The following GAB1 variants were observed in gnomAD, a reference collection of about 807,000 sequenced individuals.
GAB1 encodes GRB2 associated binding protein 1.
GAB1 carries 19 observed loss-of-function variants against 66.5 expected under a neutral mutation model. The ratio of observed to expected loss-of-function variants is 0.29; its 90% CI spans 0.20 to 0.42. The LOEUF is 0.42. Among genes scored for constraint, GAB1 ranks in the 10% least tolerant of loss-of-function variants. The probability of loss-of-function intolerance (pLI) is 1.00; values close to 1 mark genes in which losing one functional copy is unlikely to be tolerated. For missense variants in GAB1, 732 were observed against 858.5 expected, an observed-to-expected ratio of 0.85 and a Z score of 1.84; for synonymous variants, 294 against 301.4, an observed-to-expected ratio of 0.98 and a Z score of 0.25.
At chr4:143,350,173 T>G (rs1047168310) in intron 1 of GAB1, 22 of 687,738 alleles carry the variant, frequency 3.2e-5, no homozygotes, top group Non-Finnish European at 5.5e-5. Context: ...AAGACACTTT[T>G]TGTGTGCTCC....
rs957731354 is a variant in GAB1 at position 143,470,614 on chromosome 4, C to T, written c.*1425C>T. On this transcript the variant is annotated 3_prime_UTR_variant, in exon 10 of 10. Coordinates refer to ENST00000262994, the MANE Select transcript of GAB1 (RefSeq NM_002039.4). ...GCTTTGCAACATAATTTAGAAAGCA[C>T]GTATAGTTGTTTTTTAACCAAGTTA... The T allele has an allele frequency of 2.6e-5, 4 of 152,294 alleles. No individual in the cohort carries two copies. The highest frequency in any genetic ancestry group is 6.5e-5 in the Admixed American group (1 of 15,292). The allele number at this position is 152,294 out of a possible 1,614,324, so 9.4% of individuals were successfully genotyped here.
Position 143,350,154 on chromosome 4 carries a change from G to T in GAB1, c.72+12894G>T, listed in dbSNP as rs2149647495. ...TCGGAAAAGAAGCTGATTTTTAAAA[G>T]AAAATATTAAGACACTTTTTGTGTG... On this transcript the variant is annotated intron_variant, in intron 1 of 9. Coordinates refer to ENST00000262994, the MANE Select transcript of GAB1 (RefSeq NM_002039.4). The T allele has an allele frequency of 7.6e-6, 6 of 793,200 alleles. No individual in the cohort carries two copies. In the East Asian group the frequency reaches 1.6e-4, roughly 21 times the overall value. 49.1% of individuals were successfully genotyped at this position (793,200 alleles called of 1,614,324 possible).
At chr4:143,364,189 C>CAAA (rs779207437) in intron 1 of GAB1, among the ~76,000 whole-genome samples, 3 of 81,488 alleles carry the variant, frequency 3.7e-5, no homozygotes, top group Non-Finnish European at 8.1e-5. Context: ...ACTTCGTCTC[C>CAAA]AAAAAAAAAA....
intron 1 of GAB1, among the ~76,000 whole-genome samples, chr4:143,340,221 T>G (rs1306723909): frequency 6.6e-6 from 1 of 152,194 alleles, no homozygotes; most frequent in South Asian, 2.1e-4. Flanking sequence ...ATGTAGAATG[T>G]TTATTTTTCT....
chr4:143,348,748 C>T (rs150529730), intron 1 of GAB1, among the ~76,000 whole-genome samples: 34 of 152,282 alleles, frequency 2.2e-4, no homozygotes, highest in African/African-American at 7.9e-4. Flanking sequence ...GCTTGCATGG[C>T]CCTTTATGTG....
intron 2 of GAB1, among the ~76,000 whole-genome samples, chr4:143,428,006 TA>T (rs1046180154): frequency 8.5e-5 from 13 of 152,314 alleles, no homozygotes; most frequent in African/African-American, 2.9e-4. Context: ...CCTATGTTAA[TA>T]GGGGGGCCTA....
intron 6 of GAB1, among the ~76,000 whole-genome samples, chr4:143,455,238 C>G (rs888599476): frequency 2.6e-5 from 4 of 152,066 alleles, no homozygotes; most frequent in African/African-American, 9.7e-5. Context: ...ATCCAGGATA[C>G]GGTGTCATTA....
Position 143,459,373 on chromosome 4 carries a change from T to C in GAB1, c.1586-12T>C. The C allele has an allele frequency of 6.5e-7, 1 of 1,540,374 alleles. No homozygotes were observed. Among genetic ancestry groups the C allele is most frequent in the Non-Finnish European group, 9.0e-7 (1 of 1,114,146 alleles). On this transcript the variant is annotated splice_polypyrimidine_tract_variant and intron_variant, in intron 6 of 9. Transcript: ENST00000262994. Reference sequence around the variant, plus strand: ...GTATACTAAAAATCTCTTTTTCTCTTTTTCTTTTCAGTCAAGCCAGCGCCT... The same window carrying C: ...GTATACTAAAAATCTCTTTTTCTCTCTTTCTTTTCAGTCAAGCCAGCGCCT...
rs927384357 is a variant in GAB1 at position 143,471,373 on chromosome 4, A to G, written c.*2184A>G. On this transcript the variant is annotated 3_prime_UTR_variant, in exon 10 of 10. Coordinates refer to ENST00000262994, the MANE Select transcript of GAB1 (RefSeq NM_002039.4). ...ATCACATTGAACATTGTATTAGAGA[A>G]TTAAATTAAAAGTTTCTTACAGAGC... 1.3e-5 allele frequency: 2 copies of G among 152,220 alleles called. No homozygotes were observed. Among genetic ancestry groups the G allele is most frequent in the African/African-American group, 4.8e-5 (2 of 41,470 alleles). 9.4% of individuals were successfully genotyped at this position (152,220 alleles called of 1,614,324 possible).
rs116376752 is a variant in GAB1 at position 143,417,818 on chromosome 4, C to T, written c.367+2047C>T. On this transcript the variant is annotated intron_variant, in intron 2 of 9. Coordinates refer to ENST00000262994, the MANE Select transcript of GAB1 (RefSeq NM_002039.4). ...CCAGTACAAAGTAGTTTTGTAGAGC[C>T]AAGAATCAGAAATAAAGGTGAACTG... 1.8e-3 allele frequency among the ~76,000 whole-genome samples: 274 copies of T among 152,260 alleles called. 1 individual carries two copies. The highest frequency in any genetic ancestry group is 0.017 in the Middle Eastern group (5 of 294).
In GAB1 at chr4:143,469,626, A is replaced by G. The variant is rs1231172853; in HGVS notation, c.*437A>G. The G allele has an allele frequency of 6.1e-6, 1 of 163,112 alleles. No individual in the cohort carries two copies. The highest frequency in any genetic ancestry group is 1.4e-5 in the Non-Finnish European group (1 of 73,232). 10.1% of individuals were successfully genotyped at this position (163,112 alleles called of 1,614,324 possible). A position where few individuals can be genotyped will look rare whatever the true frequency, so the allele number is the denominator to read the frequency against. The stretch of plus-strand genomic sequence containing the variant: ...AAATTGCTGTTTACAGTCTAACAAC[A>G]TTAAAATGAGAGGTAGATTCACAAG... On this transcript the variant is annotated 3_prime_UTR_variant, in exon 10 of 10. Coordinates refer to ENST00000262994, the MANE Select transcript of GAB1 (RefSeq NM_002039.4).
intron 1 of GAB1, among the ~76,000 whole-genome samples, chr4:143,373,856 T>TAAATAA (rs1560725879): frequency 5.4e-5 from 6 of 111,734 alleles, no homozygotes; most frequent in African/African-American, 2.5e-4. Context: ...TCTCTCTCTC[T>TAAATAA]GTAAATAAAT....
intron 1 of GAB1, among the ~76,000 whole-genome samples, chr4:143,388,689 A>G (rs1731034492): frequency 1.3e-5 from 2 of 152,182 alleles, no homozygotes; most frequent in South Asian, 4.1e-4. Flanking sequence ...TTCTGGGATT[A>G]TAGGCATGAG....
chr4:143,448,664 A>T (rs1734711234), intron 6 of GAB1, among the ~76,000 whole-genome samples: 1 of 151,644 alleles, frequency 6.6e-6, no homozygotes, highest in Non-Finnish European at 1.5e-5. Flanking sequence ...TATTGCATCT[A>T]TTTGATTCTT....
chr4:143,431,794 A>G (rs1372640134), intron 2 of GAB1, among the ~76,000 whole-genome samples: 2 of 152,222 alleles, frequency 1.3e-5, no homozygotes, highest in Admixed American at 6.5e-5. Flanking sequence ...AAAGTTTGCT[A>G]CTGACCATAC....
At chr4:143,404,880 TG>T (rs1731961325) in intron 1 of GAB1, among the ~76,000 whole-genome samples, 1 of 152,110 alleles carries the variant, frequency 6.6e-6, no homozygotes, top group South Asian at 2.1e-4. Flanking sequence ...TGTAGTCACA[TG>T]TTGGCTAATG....
intron 1 of GAB1, among the ~76,000 whole-genome samples, chr4:143,378,673 C>CTCTCTCT (rs1730524488): frequency 7.7e-6 from 1 of 129,226 alleles, no homozygotes; most frequent in Admixed American, 8.1e-5. Context: ...CTCTCTCTCT[C>CTCTCTCT]GTTTTTCTAG....
intron 1 of GAB1, among the ~76,000 whole-genome samples, chr4:143,373,044 A>ACACACACAC (rs1560725364): frequency 3.6e-3 from 538 of 148,250 alleles, no homozygotes; most frequent in Non-Finnish European, 4.4e-3. Context: ...TTCCTTTAAA[A>ACACACACAC]ACACACACAC....
chr4:143,380,058 A>G (rs139851033), intron 1 of GAB1, among the ~76,000 whole-genome samples: 2,204 of 149,948 alleles, frequency 0.015, 53 homozygotes, highest in African/African-American at 0.052. Context: ...TGTTTCTTCC[A>G]TTGAATTTCT....
Sources: allele counts gnomAD v4.1 joint callset (sites outside exome capture counted in the v4.1 genomes callset), GRCh38; gene constraint gnomAD v4.1.1; transcripts MANE v1.5; gene names NCBI Gene and HGNC (gene_info 2026-07-23, HGNC 2026-07-21).